Variants in TBL1XR1 observed in about 807,000 individuals in gnomAD.
TBL1XR1 encodes TBL1X/Y related 1.
Under a neutral mutation model 66.9 loss-of-function variants are expected in TBL1XR1, and 5 were observed. That is an observed-to-expected ratio of 0.07 (90% CI 0.04 to 0.16). TBL1XR1 has a LOEUF of 0.16. Among genes scored for constraint, TBL1XR1 ranks in the 10% least tolerant of loss-of-function variants. TBL1XR1 has a pLI of 1.00. For missense variants in TBL1XR1, 238 were observed against 623.2 expected (o/e 0.38, Z 6.58); for synonymous variants, 210 against 206.0 (o/e 1.02, Z -0.17).
intron 1 of TBL1XR1, among the ~76,000 whole-genome samples, chr3:177,187,225 C>A (rs1476893848): frequency 6.6e-6 from 1 of 150,858 alleles, no homozygotes; most frequent in African/African-American, 2.4e-5. Flanking sequence ...AAAACCCTAT[C>A]TCTACTAAAA....
At chr3:177,100,871 TC>T (rs58019112) in intron 1 of TBL1XR1, among the ~76,000 whole-genome samples, 44,946 of 149,156 alleles carry the variant, frequency 0.3, 7,246 homozygotes, top group East Asian at 0.52. Flanking sequence ...GTTTTTTTTT[TC>T]TTTGAGACGG....
At chr3:177,079,561 C>T (rs948893479) in intron 2 of TBL1XR1, 3 of 151,630 alleles carry the variant, frequency 2.0e-5, no homozygotes, top group Non-Finnish European at 2.9e-5. Context: ...AAATTTTAAT[C>T]GACTGTTGCT....
intron 1 of TBL1XR1, among the ~76,000 whole-genome samples, chr3:177,166,243 TG>T (rs371356002): frequency 1.4e-3 from 214 of 151,794 alleles, no homozygotes; most frequent in African/African-American, 5.1e-3. Context: ...ACAATAACAA[TG>T]ATAATGAGAT....
At chr3:177,077,373 T>C (rs1720822770) in intron 2 of TBL1XR1, among the ~76,000 whole-genome samples, 1 of 152,130 alleles carries the variant, frequency 6.6e-6, no homozygotes, top group African/African-American at 2.4e-5. Flanking sequence ...AAAATACTTA[T>C]TTACTTTAGA....
At chr3:177,113,185 C>A (rs1315716716) in intron 1 of TBL1XR1, among the ~76,000 whole-genome samples, 1 of 151,816 alleles carries the variant, frequency 6.6e-6, no homozygotes, top group Non-Finnish European at 1.5e-5. Context: ...TGAAAGTAGA[C>A]CCTTATCTTT....
chr3:177,152,946 G>C (rs1731069138), intron 1 of TBL1XR1, among the ~76,000 whole-genome samples: 1 of 152,042 alleles, frequency 6.6e-6, no homozygotes, highest in Non-Finnish European at 1.5e-5. Flanking sequence ...TTGGAGAACA[G>C]CCTGACGAAC....
intron 14 of TBL1XR1, among the ~76,000 whole-genome samples, chr3:177,030,384 T>C (rs1713808856): frequency 6.6e-6 from 1 of 152,024 alleles, no homozygotes; most frequent in South Asian, 2.1e-4. Flanking sequence ...TAATGTGATA[T>C]TTCAAAGAAG....
chr3:177,169,404 A>C (rs1482648381), intron 1 of TBL1XR1, among the ~76,000 whole-genome samples: 2 of 152,374 alleles, frequency 1.3e-5, no homozygotes, highest in Admixed American at 6.5e-5. Context: ...AATCAGATTG[A>C]CATTTCAGTT....
Position 177,026,467 on chromosome 3 carries a change from G to A in TBL1XR1, c.1424C>T (p.Ala475Val), listed in dbSNP as rs753533374. ...TGTTCCCCTATAGCTGTGAACTAGAGCACCTGTCTAAAAGAATGAAAAACA... is the reference window on the plus strand; with the variant it reads ...TGTTCCCCTATAGCTGTGAACTAGAACACCTGTCTAAAAGAATGAAAAACA... ...CVHIWNTQTG[A>V]LVHSYRGTGG... Residue 475 changes from alanine (A) to valine (V), a missense_variant, in exon 15 of 16, where the codon GCT becomes GTT. Transcript: ENST00000457928. 60 of 1,595,132 alleles carry A rather than the reference G, an allele frequency of 3.8e-5. No individual in the cohort carries two copies. In the Admixed American group the frequency reaches 1.1e-3, roughly 29 times the overall value.
chr3:177,072,246 T>C (rs1258586444), intron 2 of TBL1XR1, among the ~76,000 whole-genome samples: 2 of 152,224 alleles, frequency 1.3e-5, no homozygotes, highest in East Asian at 3.8e-4. Context: ...AGCATAGTAA[T>C]TGGGATCCGT....
chr3:177,153,205 T>C (rs181772271), intron 1 of TBL1XR1, among the ~76,000 whole-genome samples: 41 of 152,268 alleles, frequency 2.7e-4, no homozygotes, highest in African/African-American at 9.4e-4. Context: ...TCAGTGAATA[T>C]ATCCTTGAAA....
At chr3:177,183,768 A>G (rs994248775) in intron 1 of TBL1XR1, among the ~76,000 whole-genome samples, 9 of 151,878 alleles carry the variant, frequency 5.9e-5, no homozygotes, top group African/African-American at 2.2e-4. Context: ...CCCGACCAAA[A>G]AACTTTATTT....
At chr3:177,071,886 G>A (rs922308063) in intron 2 of TBL1XR1, among the ~76,000 whole-genome samples, 1 of 152,134 alleles carries the variant, frequency 6.6e-6, no homozygotes, top group African/African-American at 2.4e-5. Flanking sequence ...CAGGATGAGA[G>A]AAAACAGTTG....
chr3:177,176,518 A>T (rs972805257), intron 1 of TBL1XR1, among the ~76,000 whole-genome samples: 1 of 150,368 alleles, frequency 6.7e-6, no homozygotes, highest in Non-Finnish European at 1.5e-5. Context: ...ATATTATTTA[A>T]ATGTTTGATT....
intron 7 of TBL1XR1, 148 bp from the exon 8 acceptor site, chr3:177,047,697 C>T: frequency 2.6e-6 from 2 of 758,646 alleles, no homozygotes; most frequent in South Asian, 1.9e-5. Context: ...CTTGTGAGTG[C>T]CACTAAAGGC....
At chr3:177,088,780 T>C (rs1019326258) in intron 2 of TBL1XR1, among the ~76,000 whole-genome samples, 4 of 151,996 alleles carry the variant, frequency 2.6e-5, no homozygotes, top group Non-Finnish European at 5.9e-5. Flanking sequence ...TACTGTTGAT[T>C]TGGGAATCAG....
intron 1 of TBL1XR1, among the ~76,000 whole-genome samples, chr3:177,172,686 A>C (rs1156696203): frequency 5.1e-5 from 2 of 39,314 alleles, no homozygotes; most frequent in Admixed American, 6.4e-4. Context: ...GGGAGGGGAG[A>C]GGGGAGGGGA....
intron 1 of TBL1XR1, chr3:177,110,761 G>A (rs975472905): frequency 2.0e-5 from 3 of 151,918 alleles, no homozygotes; most frequent in Non-Finnish European, 2.9e-5. Context: ...TAATGAGAAC[G>A]GGGGGGATAT....
chr3:177,139,657 C>A, intron 1 of TBL1XR1, among the ~76,000 whole-genome samples: 1 of 127,432 alleles, frequency 7.8e-6, no homozygotes. Context: ...CAAAAAAACC[C>A]AAAAATATAG....
Sources: allele counts gnomAD v4.1 joint callset (sites outside exome capture counted in the v4.1 genomes callset), GRCh38; gene constraint gnomAD v4.1.1; transcripts MANE v1.5; gene names NCBI Gene and HGNC (gene_info 2026-07-23, HGNC 2026-07-21).